The following PDXDC1 variants were observed in gnomAD, a reference collection of about 807,000 sequenced individuals.
PDXDC1 encodes the protein pyridoxal dependent decarboxylase domain containing 1, also known as pyridoxal-dependent decarboxylase domain-containing protein 1.
PDXDC1 carries 42 observed loss-of-function variants against 100.1 expected under a neutral mutation model. The ratio of observed to expected loss-of-function variants is 0.42; its 90% CI spans 0.33 to 0.54. The LOEUF is 0.54. PDXDC1 is among the 20% of genes least tolerant of loss of function. The pLI, the probability that PDXDC1 is intolerant of heterozygous loss-of-function variation, is 0.10. For synonymous variants in PDXDC1, 260 were observed against 371.7 expected, an observed-to-expected ratio of 0.70 and a Z score of 3.46; for missense variants, 636 against 979.2, an observed-to-expected ratio of 0.65 and a Z score of 4.68.
At chr16:15,053,296 G>A (rs1175794437) in intron 16 of PDXDC1, among the ~76,000 whole-genome samples, 3 of 152,186 alleles carry the variant, frequency 2.0e-5, no homozygotes, top group African/African-American at 7.2e-5. Context: ...GTCCTCATCT[G>A]TAAAATGGGA....
At chr16:14,986,822 C>G (rs1969488178) in intron 1 of PDXDC1, among the ~76,000 whole-genome samples, 2 of 152,292 alleles carry the variant, frequency 1.3e-5, no homozygotes, top group Non-Finnish European at 2.9e-5. Context: ...TCTTGGCTAA[C>G]TGCAAGCTCC....
rs1383129400 is a variant in PDXDC1, at chr16:15,028,907, A to G, written c.1234A>G (p.Asn412Asp). 3.7e-6 allele frequency: 6 copies of G among 1,613,916 alleles called. No homozygotes were observed. Among genetic ancestry groups the G allele is most frequent in the Admixed American group, 3.3e-5 (2 of 60,014 alleles). ...GGTGTTTAAAGCCGTCCCAGTGCCC[A>G]ACATGACACCTTCAGGAGTCGGCCG... ...DPVFKAVPVP[N>D]MTPSGVGRER... is the part of the protein sequence containing the mutation. The change falls in exon 15 of 23, where the codon AAC becomes GAC. Residue 412 changes from asparagine (N) to aspartate (D), a missense_variant. Transcript: ENST00000396410.
intron 1 of PDXDC1, 95 bp from the exon 2 acceptor site, chr16:14,997,657 CA>C (rs367712605): frequency 7.2e-3 from 9,400 of 1,300,844 alleles, no homozygotes; most frequent in Admixed American, 9.2e-3. Context: ...ACAGTAAATC[CA>C]GAAGAAATTA....
intron 16 of PDXDC1, among the ~76,000 whole-genome samples, chr16:15,051,450 A>G (rs943358878): frequency 6.6e-6 from 1 of 152,118 alleles, no homozygotes; most frequent in Non-Finnish European, 1.5e-5. Context: ...GCCTCAAGCA[A>G]TCCTCCCACC....
intron 16 of PDXDC1, chr16:15,133,313 G>T (rs150678356): frequency 1.3e-6 from 2 of 1,555,126 alleles, no homozygotes; most frequent in Admixed American, 1.7e-5. Flanking sequence ...GACGTGCTGG[G>T]GATCGGCCTG....
chr16:15,117,828 A>AT (rs1385408132), intron 16 of PDXDC1, among the ~76,000 whole-genome samples: 1 of 43,640 alleles, frequency 2.3e-5, no homozygotes, highest in Non-Finnish European at 4.6e-5. Context: ...TGTTTTCCAC[A>AT]TATCTTGAAA....
chr16:15,122,552 C>A (rs1315655502), intron 16 of PDXDC1, among the ~76,000 whole-genome samples: 2 of 147,050 alleles, frequency 1.4e-5, no homozygotes, highest in Non-Finnish European at 3.0e-5. Context: ...AGAAACCCCG[C>A]GGGTCCAGCG....
At chr16:14,997,618 C>G (rs756524758) in intron 1 of PDXDC1, 135 bp from the exon 2 acceptor site, 1,308 of 1,003,152 alleles carry the variant, frequency 1.3e-3, no homozygotes, top group Non-Finnish European at 1.8e-3. Flanking sequence ...TACTTTTGTA[C>G]TATTGCAAGT....
intron 16 of PDXDC1, among the ~76,000 whole-genome samples, chr16:15,082,146 T>C (rs1020299922): frequency 6.6e-6 from 1 of 152,212 alleles, no homozygotes; most frequent in Non-Finnish European, 1.5e-5. Flanking sequence ...AGAGCGGACA[T>C]CCTTGTTTTG....
At position 14,976,725 on chromosome 16, in the gene PDXDC1, A is replaced by G. The variant is rs1246755494; in HGVS notation, c.21+1505A>G. 11 of 152,520 alleles carry G rather than the reference A, an allele frequency of 7.2e-5. No individual in the cohort carries two copies. In the South Asian group the frequency reaches 1.7e-3, roughly 23 times the overall value. 9.4% of individuals were successfully genotyped at this position (152,520 alleles called of 1,614,324 possible). A position where few individuals can be genotyped will look rare whatever the true frequency, so the allele number is the denominator to read the frequency against. On this transcript the variant is annotated intron_variant, in intron 1 of 22. Transcript: ENST00000396410. The stretch of plus-strand genomic sequence containing the variant: ...GAGGTGCTGCCGGTACCTAGTGGGT[A>G]GAGGCCAGGGACGCCTCTAAACATC...
Position 15,074,793 on chromosome 16 carries a change from A to G in PDXDC1, c.1399+44737A>G, listed in dbSNP as rs542977183. On this transcript the variant is annotated intron_variant, in intron 16 of 16. Coordinates refer to the PDXDC1 transcript ENST00000535621. The stretch of plus-strand genomic sequence containing the variant: ...TCAGGATGTCCAGGCGCTCGGCTAC[A>G]GGATGCACCATCTGGTCGAGCCGTT... 3 of 1,614,122 alleles carry G rather than the reference A, an allele frequency of 1.9e-6. No individual in the cohort carries two copies. In the African/African-American group the frequency reaches 4.0e-5, roughly 22 times the overall value.
chr16:15,080,624 TCTCA>T (rs1168253698), intron 16 of PDXDC1, among the ~76,000 whole-genome samples: 4 of 152,150 alleles, frequency 2.6e-5, no homozygotes, highest in South Asian at 4.1e-4. Flanking sequence ...AGAGACATTT[TCTCA>T]CTATGTTGCC....
rs761845838 is a variant in PDXDC1 at position 15,035,430 on chromosome 16, GC to G, written c.2003-16del. The G allele has an allele frequency of 3.3e-6, 5 of 1,521,188 alleles. No homozygotes were observed. The highest frequency in any genetic ancestry group is 3.5e-5 in the Admixed American group (2 of 56,462). The allele number at this position is 1,521,188 out of a possible 1,614,324, so 94.2% of individuals were successfully genotyped here. On this transcript the variant is annotated intron_variant, in intron 21 of 22. Transcript: ENST00000396410. ...AGCCTGTGCCTGTAGCTTCTACCCA[GC>G]CCTCTCCTCTCCCGCAGGCTCTCTG...
Position 15,131,087 on chromosome 16 carries a change from C to T in PDXDC1, c.1400-7792C>T, listed in dbSNP as rs772856079. 83 of 1,605,880 alleles carry T rather than the reference C, an allele frequency of 5.2e-5. No individual in the cohort carries two copies. In the Admixed American group the frequency reaches 8.0e-4, roughly 16 times the overall value. On this transcript the variant is annotated intron_variant, in intron 16 of 16. Coordinates refer to the PDXDC1 transcript ENST00000535621. The stretch of plus-strand genomic sequence containing the variant: ...CGTGTGCCTCACCCGCTGCACGCAC[C>T]GTCCAGCAGCGTATAGTTGAGCTGC...
At chr16:15,098,755 G>A (rs1367846760) in intron 16 of PDXDC1, among the ~76,000 whole-genome samples, 1 of 152,056 alleles carries the variant, frequency 6.6e-6, no homozygotes, top group Non-Finnish European at 1.5e-5. Context: ...GCACATGCCT[G>A]TAATCCCAGC....
At chr16:15,133,731 G>A (rs1167389157) in intron 16 of PDXDC1, 1 of 1,603,124 alleles carries the variant, frequency 6.2e-7, no homozygotes, top group Non-Finnish European at 8.5e-7. Flanking sequence ...TGGCATCACG[G>A]GAGGGCTCCG....
At position 15,036,455 on chromosome 16, in the gene PDXDC1, C is replaced by T. The variant is rs1376896643; in HGVS notation, c.*180C>T. 3.5e-6 allele frequency: 2 copies of T among 570,424 alleles called. No individual in the cohort carries two copies. The highest frequency in any genetic ancestry group is 6.0e-6 in the Non-Finnish European group (2 of 330,984). 35.3% of individuals were successfully genotyped at this position (570,424 alleles called of 1,614,324 possible). On this transcript the variant is annotated 3_prime_UTR_variant, in exon 23 of 23. Coordinates refer to ENST00000396410, the MANE Select transcript of PDXDC1 (RefSeq NM_015027.4). Reference sequence around the variant, plus strand: ...CTAGGAGGGGAGTCAGCTTGTCTAACTTCATGTACATGTAGAACCACGTTT... The same window carrying T: ...CTAGGAGGGGAGTCAGCTTGTCTAATTTCATGTACATGTAGAACCACGTTT...
At chr16:15,125,678 G>C (rs745444043) in intron 16 of PDXDC1, 1 of 1,367,534 alleles carries the variant, frequency 7.3e-7, no homozygotes, top group East Asian at 2.3e-5. Flanking sequence ...AGGACCCCCA[G>C]TAGAGCCCTC....
intron 1 of PDXDC1, among the ~76,000 whole-genome samples, chr16:14,986,433 C>A (rs1333651359): frequency 6.6e-6 from 1 of 152,292 alleles, no homozygotes; most frequent in African/African-American, 2.4e-5. Context: ...CAAGCCACTG[C>A]ACTCCAGCCT....
Sources: gnomAD v4.1 joint callset for allele counts (sites outside exome capture counted in the v4.1 genomes callset) on GRCh38, gnomAD v4.1.1 for gene constraint, MANE v1.5 for transcripts, NCBI Gene and HGNC (gene_info 2026-07-23, HGNC 2026-07-21) for gene names.